HECW1: variants seen among roughly 807,000 people sequenced by gnomAD.
HECW1 encodes the protein E3 ubiquitin-protein ligase HECW1.
HECW1 carries 61 observed loss-of-function variants against 182.3 expected under a neutral mutation model. That is an observed-to-expected ratio of 0.33 (90% CI 0.27 to 0.41). HECW1 has a LOEUF of 0.41. HECW1 is among the 10% of genes least tolerant of loss of function. The pLI is 1.00. For synonymous variants in HECW1, 859 were observed against 832.6 expected (o/e 1.03, Z -0.55); for missense variants, 1,739 against 2,108.9 (o/e 0.82, Z 3.44).
chr7:43,429,930 G>A (rs935547518), intron 8 of HECW1, among the ~76,000 whole-genome samples: 18 of 152,188 alleles, frequency 1.2e-4, no homozygotes, highest in Non-Finnish European at 2.5e-4. Context: ...ACACAGTTAA[G>A]ACTAACCTTC....
intron 3 of HECW1, among the ~76,000 whole-genome samples, chr7:43,256,711 C>T (rs1011269846): frequency 2.0e-5 from 3 of 151,642 alleles, no homozygotes; most frequent in Admixed American, 2.0e-4. Context: ...AGTACATTAG[C>T]TTAATGTGTG....
chr7:43,237,528 G>A (rs1439802016), intron 2 of HECW1, among the ~76,000 whole-genome samples: 3 of 152,156 alleles, frequency 2.0e-5, no homozygotes, highest in Non-Finnish European at 4.4e-5. Context: ...ATATTACAGT[G>A]ACTCTCCATG....
At chr7:43,478,061 A>G (rs867186412) in intron 16 of HECW1, among the ~76,000 whole-genome samples, 20 of 152,216 alleles carry the variant, frequency 1.3e-4, no homozygotes, top group Non-Finnish European at 5.9e-5. Context: ...TTAAATTTAA[A>G]GAACAATGTT....
At chr7:43,113,307 T>TC (rs1434891546) in intron 1 of HECW1, among the ~76,000 whole-genome samples, 2 of 151,852 alleles carry the variant, frequency 1.3e-5, no homozygotes, top group African/African-American at 4.8e-5. Context: ...ACCTACGTAA[T>TC]CCCCCTTCCC....
intron 5 of HECW1, among the ~76,000 whole-genome samples, chr7:43,325,823 T>G (rs1479572460): frequency 6.6e-6 from 1 of 152,194 alleles, no homozygotes; most frequent in Admixed American, 6.5e-5. Flanking sequence ...TGTGGAAACC[T>G]GGCTGGATGC....
At chr7:43,455,692 GTCACACCA>G (rs1279492160) in intron 12 of HECW1, among the ~76,000 whole-genome samples, 4 of 152,152 alleles carry the variant, frequency 2.6e-5, no homozygotes, top group South Asian at 4.2e-4. Flanking sequence ...TTTTGTATTC[GTCACACCA>G]TCACACCATC....
intron 3 of HECW1, among the ~76,000 whole-genome samples, chr7:43,299,297 C>T (rs1806439403): frequency 6.6e-6 from 1 of 152,114 alleles, no homozygotes; most frequent in Non-Finnish European, 1.5e-5. Context: ...GTGGGAGAGG[C>T]CGTGGGGCTG....
In HECW1 at chr7:43,492,084, G is replaced by A. The variant is rs2078952627; in HGVS notation, c.3244G>A (p.Val1082Ile). Reference protein sequence around the residue: ...RSYSAGEASEVSRNRGASLLA... With the variant: ...RSYSAGEASEISRNRGASLLA... ...TTTATTCTAAAATTAGGCCTCAGAAGTTTCTAGAAACAGAGGAGCCTCTTT... is the reference window on the plus strand; with the variant it reads ...TTTATTCTAAAATTAGGCCTCAGAAATTTCTAGAAACAGAGGAGCCTCTTT... Residue 1082 changes from valine (V) to isoleucine (I), a missense_variant, in exon 18 of 30, where the codon GTT becomes ATT. Around this residue, in one of 5 missense-constraint regions of HECW1, gnomAD observed 971 missense variants for 1,029.1 expected, o/e 0.94. Transcript: ENST00000395891. 1.2e-6 allele frequency: 2 copies of A among 1,604,950 alleles called. No homozygotes were observed. Among genetic ancestry groups the A allele is most frequent in the African/African-American group, 2.7e-5 (2 of 74,090 alleles).
At chr7:43,480,372 T>C (rs2078381423) in intron 17 of HECW1, among the ~76,000 whole-genome samples, 1 of 152,112 alleles carries the variant, frequency 6.6e-6, no homozygotes, top group Non-Finnish European at 1.5e-5. Flanking sequence ...AACATAGCTC[T>C]TTTTTTGCTC....
At chr7:43,561,788 T>C in intron 29 of HECW1, 27 bp from the exon 30 acceptor site, 2 of 1,460,854 alleles carry the variant, frequency 1.4e-6, no homozygotes, top group Non-Finnish European at 1.9e-6. Flanking sequence ...AAACAAACAC[T>C]CTCACCAATC....
At position 43,541,899 on chromosome 7, in the gene HECW1, G is replaced by A. The variant is rs2081376087; in HGVS notation, c.4149G>A (p.Leu1383=). ...LPCDLSDLEY[L]DEEFHQSLQW... The stretch of plus-strand genomic sequence containing the variant: ...GTGATTTGAGTGACCTGGAATATTT[G>A]GATGAGGAATTCCACCAGAGTTTGC... Residue 1383 remains leucine (L), a synonymous_variant, in exon 26 of 30, where the codon TTG becomes TTA. Transcript: ENST00000395891. 1 of 1,542,618 alleles carries A rather than the reference G, an allele frequency of 6.5e-7. No individual in the cohort carries two copies. The highest frequency in any genetic ancestry group is 2.0e-5 in the Admixed American group (1 of 50,366).
chr7:43,137,223 C>T (rs1787638592), intron 2 of HECW1, among the ~76,000 whole-genome samples: 1 of 152,138 alleles, frequency 6.6e-6, no homozygotes, highest in African/African-American at 2.4e-5. Context: ...ATCTCCTCTC[C>T]CCTCCCTCCC....
At chr7:43,172,028 A>AG (rs1320445425) in intron 2 of HECW1, among the ~76,000 whole-genome samples, 4 of 152,080 alleles carry the variant, frequency 2.6e-5, no homozygotes, top group African/African-American at 9.6e-5. Context: ...CTGTAATCCC[A>AG]GCACTTTGGG....
chr7:43,553,837 C>A (rs150856336), intron 28 of HECW1, among the ~76,000 whole-genome samples: 153 of 152,224 alleles, frequency 1.0e-3, no homozygotes, highest in African/African-American at 3.6e-3. Flanking sequence ...CCAGGAATGT[C>A]CTCCTTCTTC....
At chr7:43,289,251 C>G (rs1045667539) in intron 3 of HECW1, among the ~76,000 whole-genome samples, 6 of 152,112 alleles carry the variant, frequency 3.9e-5, no homozygotes, top group Admixed American at 3.9e-4. Flanking sequence ...GGATTACAGG[C>G]ATGTGCCACC....
At chr7:43,334,947 G>A (rs12666597) in intron 5 of HECW1, among the ~76,000 whole-genome samples, 40,368 of 151,950 alleles carry the variant, frequency 0.27, 6,525 homozygotes, top group African/African-American at 0.47. Flanking sequence ...ATTTACCCTC[G>A]AAAAGAAGAG....
chr7:43,183,652 T>C (rs1793079708), intron 2 of HECW1, among the ~76,000 whole-genome samples: 1 of 152,224 alleles, frequency 6.6e-6, no homozygotes, highest in African/African-American at 2.4e-5. Flanking sequence ...ATACAATGTT[T>C]ACCTTGATTT....
chr7:43,355,189 GAAAAAC>G, intron 5 of HECW1, among the ~76,000 whole-genome samples: 1 of 152,040 alleles, frequency 6.6e-6, no homozygotes. Flanking sequence ...TATTTAATCT[GAAAAAC>G]AAAAACAAAA....
chr7:43,113,054 T>TCC (rs1784749326), intron 1 of HECW1, 117 bp downstream of exon 1: 1 of 184,270 alleles, frequency 5.4e-6, no homozygotes, highest in Non-Finnish European at 1.1e-5. Flanking sequence ...GGGGCCGAGA[T>TCC]CCACCCTCCT....
Sources: allele counts gnomAD v4.1 joint callset (sites outside exome capture counted in the v4.1 genomes callset), GRCh38; gene constraint gnomAD v4.1.1; regional missense constraint gnomAD v4.1.1; transcripts MANE v1.5; gene names NCBI Gene and HGNC (gene_info 2026-07-23, HGNC 2026-07-21).